NUAK1: variants seen among roughly 807,000 people sequenced by gnomAD.
The protein encoded by NUAK1 is NUAK family kinase 1.
A neutral mutation model predicts 56.9 loss-of-function variants in NUAK1; 26 were observed. That is an observed-to-expected ratio of 0.46 (90% CI 0.33 to 0.63). NUAK1 has a LOEUF of 0.63. NUAK1 is among the 30% of genes least tolerant of loss of function. NUAK1 has a pLI of 0.02. For missense variants in NUAK1, 727 were observed against 876.1 expected (o/e 0.83, Z 2.15); for synonymous variants, 337 against 336.0 (o/e 1.00, Z -0.03).
Position 106,065,544 on chromosome 12 carries a change from A to G in NUAK1, c.*1258T>C, listed in dbSNP as rs78596191. 4,759 of 92,228 alleles carry G rather than the reference A, an allele frequency of 0.052. 125 individuals carry two copies. Among genetic ancestry groups the G allele is most frequent in the Non-Finnish European group, 0.058 (3,281 of 57,006 alleles). The allele number at this position is 92,228 out of a possible 1,614,324, so 5.7% of individuals were successfully genotyped here. A position where few individuals can be genotyped will look rare whatever the true frequency, so the allele number is the denominator to read the frequency against. On this transcript the variant is annotated 3_prime_UTR_variant, in exon 7 of 7. Coordinates refer to ENST00000261402, the MANE Select transcript of NUAK1 (RefSeq NM_014840.3). The stretch of plus-strand genomic sequence containing the variant: ...GACATAGAATACTTAGATTTGGGGG[A>G]AAAAAAGCACCATCTACCTGATTTT...
chr12:106,086,561 A>G (rs2032572482), intron 3 of NUAK1, among the ~76,000 whole-genome samples, 173 bp downstream of exon 3: 1 of 152,218 alleles, frequency 6.6e-6, no homozygotes. Context: ...AATGTCAAAA[A>G]TAGATTATCC....
At chr12:106,128,947 T>A (rs1436656086) in intron 1 of NUAK1, among the ~76,000 whole-genome samples, 4 of 152,250 alleles carry the variant, frequency 2.6e-5, no homozygotes, top group African/African-American at 9.6e-5. Context: ...AAGTACTTGA[T>A]TTACAACCCA....
At chr12:106,103,575 C>T (rs904735433) in intron 2 of NUAK1, among the ~76,000 whole-genome samples, 14 of 152,184 alleles carry the variant, frequency 9.2e-5, no homozygotes, top group African/African-American at 2.9e-4. Flanking sequence ...AGACCCAGCC[C>T]AAATGCCATA....
At chr12:106,074,705 C>A (rs1445528239) in intron 4 of NUAK1, among the ~76,000 whole-genome samples, 1 of 152,008 alleles carries the variant, frequency 6.6e-6, no homozygotes, top group African/African-American at 2.4e-5. Context: ...CCAGAGAGAG[C>A]CCAGCCTGAA....
intron 1 of NUAK1, among the ~76,000 whole-genome samples, chr12:106,117,705 G>C (rs2032931886): frequency 6.6e-6 from 1 of 152,218 alleles, no homozygotes; most frequent in Non-Finnish European, 1.5e-5. Context: ...TTTGCACAAA[G>C]GTGCAGGAAG....
chr12:106,080,371 G>C (rs1213253905), intron 4 of NUAK1, among the ~76,000 whole-genome samples: 1 of 152,178 alleles, frequency 6.6e-6, no homozygotes, highest in Admixed American at 6.5e-5. Context: ...TTTTACAGGA[G>C]CCTTCTATGG....
At chr12:106,121,373 T>G (rs2032972844) in intron 1 of NUAK1, among the ~76,000 whole-genome samples, 1 of 152,186 alleles carries the variant, frequency 6.6e-6, no homozygotes, top group South Asian at 2.1e-4. Context: ...TTCACGCTTC[T>G]CTTTTCAAGG....
At chr12:106,072,374 C>T (rs1051030645) in intron 5 of NUAK1, among the ~76,000 whole-genome samples, 6 of 152,170 alleles carry the variant, frequency 3.9e-5, no homozygotes, top group African/African-American at 9.7e-5. Flanking sequence ...GATATACATA[C>T]GTGTGTCACA....
In NUAK1 at chr12:106,066,673, C is replaced by T. The variant is rs1428963760; in HGVS notation, c.*129G>A. 1 of 827,726 alleles carries T rather than the reference C, an allele frequency of 1.2e-6. No homozygotes were observed. The highest frequency in any genetic ancestry group is 1.9e-6 in the Non-Finnish European group (1 of 520,262). 51.3% of individuals were successfully genotyped at this position (827,726 alleles called of 1,614,324 possible). On this transcript the variant is annotated 3_prime_UTR_variant, in exon 7 of 7. Transcript: ENST00000261402. The stretch of plus-strand genomic sequence containing the variant: ...GTTGGCTCAAGGCTGCAAACTTGGC[C>T]AAGTGAGACAGTGCCAATCCTTTTT...
At chr12:106,072,276 T>C (rs1046285692) in intron 5 of NUAK1, among the ~76,000 whole-genome samples, 2 of 152,244 alleles carry the variant, frequency 1.3e-5, no homozygotes, top group African/African-American at 2.4e-5. Context: ...TAAATTTTGG[T>C]ATATTCATTG....
At chr12:106,103,880 G>A (rs1315764982) in intron 2 of NUAK1, among the ~76,000 whole-genome samples, 1 of 152,136 alleles carries the variant, frequency 6.6e-6, no homozygotes, top group Non-Finnish European at 1.5e-5. Context: ...TCCATGTGAA[G>A]AGGGAATGTT....
intron 1 of NUAK1, among the ~76,000 whole-genome samples, chr12:106,120,364 T>C (rs2032961615): frequency 1.3e-5 from 2 of 152,202 alleles, no homozygotes; most frequent in African/African-American, 4.8e-5. Context: ...CCCAATATTG[T>C]GCCCAACATC....
In NUAK1 at chr12:106,138,644, C is replaced by G. The variant is rs1418981735; in HGVS notation, c.10G>C (p.Ala4Pro). 1 of 1,540,398 alleles carries G rather than the reference C, an allele frequency of 6.5e-7. No individual in the cohort carries two copies. The change falls in exon 1 of 7, where the codon GCC becomes CCC. Residue 4 changes from alanine to proline, a missense_variant. By Grantham distance (27) the Ala-to-Pro change is conservative (BLOSUM62 -1). Transcript: ENST00000261402. The surrounding 1 kb of genome is among the most constrained non-coding windows in gnomAD (Gnocchi z 5.0). MEG[A>P]AAPVAGDRPD... ...CGGTCCCCCGCCACAGGCGCGGCGG[C>G]CCCTTCCATGTCCAAGCGCGGGGCG...
intron 5 of NUAK1, among the ~76,000 whole-genome samples, chr12:106,071,707 G>A (rs760900546): frequency 1.3e-5 from 2 of 152,104 alleles, no homozygotes; most frequent in South Asian, 2.1e-4. Context: ...ACAGGTCATC[G>A]AAGACCAAAA....
Position 106,067,669 on chromosome 12 carries a change from T to C in NUAK1, c.1119A>G (p.Lys373=), listed in dbSNP as rs1276907632. The C allele has an allele frequency of 2.5e-6, 4 of 1,614,226 alleles. No individual in the cohort carries two copies. The South Asian group carries it at 4.4e-5, about 18-fold the overall frequency. The part of the protein sequence containing the change: ...ERQRSLKKSK[K]ENDFAQSGQD... Reference sequence around the variant, plus strand: ...GACCAGACTGAGCAAAGTCATTCTCTTTCTTGGATTTCTTCAGCGACCGCT... The same window carrying C: ...GACCAGACTGAGCAAAGTCATTCTCCTTCTTGGATTTCTTCAGCGACCGCT... Residue 373 remains lysine (K), a synonymous_variant, in exon 7 of 7, where the codon AAA becomes AAG. Transcript: ENST00000261402. This position sits in a 1 kb window ranked among gnomAD's most constrained non-coding sequence, Gnocchi z 6.0.
chr12:106,083,567 T>C (rs1205834228), intron 4 of NUAK1, among the ~76,000 whole-genome samples: 1 of 152,328 alleles, frequency 6.6e-6, no homozygotes, highest in South Asian at 2.1e-4. Context: ...CTAAAAGTAT[T>C]GTTATGGTGA....
intron 4 of NUAK1, among the ~76,000 whole-genome samples, chr12:106,078,780 A>G (rs535919891): frequency 1.3e-5 from 2 of 152,334 alleles, no homozygotes; most frequent in East Asian, 3.9e-4. Context: ...TCCAAGCAGC[A>G]GCTCCCATGG....
intron 3 of NUAK1, among the ~76,000 whole-genome samples, chr12:106,086,164 G>T (rs2032568640): frequency 6.6e-6 from 1 of 152,132 alleles, no homozygotes; most frequent in South Asian, 2.1e-4. Context: ...TAAAGATACT[G>T]ATCACTATTT....
At chr12:106,124,267 A>T (rs771389968) in intron 1 of NUAK1, among the ~76,000 whole-genome samples, 1 of 152,314 alleles carries the variant, frequency 6.6e-6, no homozygotes, top group East Asian at 1.9e-4. Flanking sequence ...TTGCCTTTAT[A>T]AAGACAGTAT....
Sources: gnomAD v4.1 joint callset for allele counts (sites outside exome capture counted in the v4.1 genomes callset) on GRCh38, gnomAD v4.1.1 for gene constraint, Gnocchi (gnomAD v3.1) non-coding constraint, MANE v1.5 for transcripts, NCBI Gene and HGNC (gene_info 2026-07-23, HGNC 2026-07-21) for gene names.